CLCN6: variants seen among roughly 807,000 people sequenced by gnomAD.
CLCN6 encodes H(+)/Cl(-) exchange transporter 6.
Under a neutral mutation model 109.8 loss-of-function variants are expected in CLCN6, and 70 were observed. That is an observed-to-expected ratio of 0.64 (90% CI 0.53 to 0.78). CLCN6 has a LOEUF of 0.78. Among genes scored for constraint, CLCN6 ranks in the 30% least tolerant of loss-of-function variants. The probability of loss-of-function intolerance (pLI) is 0.00; values close to 1 mark genes in which losing one functional copy is unlikely to be tolerated. For synonymous variants in CLCN6, 444 were observed against 447.8 expected (o/e 0.99, Z 0.11); for missense variants, 984 against 1,142.3 (o/e 0.86, Z 2.00).
chr1:11,838,543 C>T lies in CLCN6; in HGVS notation c.2412C>T (p.Thr804=), dbSNP rs541636474. ...ACGTGGTCTCTTTGCAGGATGTCAC[C>T]CCATACATGAACCCTTCGCCTTTCA... The part of the protein sequence containing the change: ...LLNPRMIVDV[T]PYMNPSPFTV... Residue 804 remains threonine, a synonymous_variant, in exon 22 of 23, where the codon ACC becomes ACT. Transcript: ENST00000346436. The T allele has an allele frequency of 5.0e-6, 8 of 1,608,890 alleles. No individual in the cohort carries two copies. In the African/African-American group the frequency reaches 1.1e-4, roughly 21 times the overall value.
chr1:11,815,433 TCA>T (rs1644657140), intron 2 of CLCN6, among the ~76,000 whole-genome samples: 1 of 152,172 alleles, frequency 6.6e-6, no homozygotes, highest in South Asian at 2.1e-4. Flanking sequence ...TCTCGCTGTG[TCA>T]CCCAGGCTGG....
intron 1 of CLCN6, 43 bp from the exon 2 acceptor site, chr1:11,807,088 C>T (rs375627424): frequency 2.5e-6 from 4 of 1,571,360 alleles, no homozygotes; most frequent in African/African-American, 1.4e-5. Context: ...CCTTCCACTC[C>T]TAACCACTAA....
chr1:11,813,811 C>T (rs1031529828), intron 2 of CLCN6, among the ~76,000 whole-genome samples: 6 of 152,270 alleles, frequency 3.9e-5, no homozygotes, highest in South Asian at 2.1e-4. Flanking sequence ...TGAATGCTGA[C>T]GTACAAATAA....
intron 1 of CLCN6, 57 bp downstream of exon 1, chr1:11,806,406 G>A: frequency 7.0e-7 from 1 of 1,423,668 alleles, no homozygotes; most frequent in Non-Finnish European, 9.1e-7. Flanking sequence ...GACTGAGAGA[G>A]GCGTTGCCGG....
In CLCN6 at chr1:11,808,227, TTGTGTGTGTG is replaced by T. The variant is rs3073085; in HGVS notation, c.147+1071_147+1080del. 8.7e-3 allele frequency among the ~76,000 whole-genome samples: 1,216 copies of T among 139,248 alleles called. 13 individuals are homozygous for T. The highest frequency in any genetic ancestry group is 0.029 in the African/African-American group (1,076 of 36,916). 91.4% of individuals were successfully genotyped at this position (139,248 alleles called of 152,430 possible). Reference sequence around the variant, plus strand: ...TTTTTTATTGTATGTGTGTGTGTGTTTGTGTGTGTGTGTGTGTGTGTGTGTGTGTGTGTGT... The same window carrying T: ...TTTTTTATTGTATGTGTGTGTGTGTTTGTGTGTGTGTGTGTGTGTGTGTGT... On this transcript the variant is annotated intron_variant, in intron 2 of 22. Coordinates refer to ENST00000346436, the MANE Select transcript of CLCN6 (RefSeq NM_001286.5).
chr1:11,813,974 G>T (rs1436869220), intron 2 of CLCN6, among the ~76,000 whole-genome samples: 3 of 151,856 alleles, frequency 2.0e-5, no homozygotes, highest in African/African-American at 7.3e-5. Flanking sequence ...TCATTTTATT[G>T]GTGTATAGTT....
chr1:11,811,316 A>G (rs1215584296), intron 2 of CLCN6, among the ~76,000 whole-genome samples: 1 of 152,100 alleles, frequency 6.6e-6, no homozygotes. Context: ...ACCCATGTAG[A>G]GTGTACAATT....
intron 2 of CLCN6, among the ~76,000 whole-genome samples, chr1:11,812,331 G>A (rs188646773): frequency 5.3e-4 from 80 of 152,316 alleles, no homozygotes; most frequent in African/African-American, 1.9e-3. Flanking sequence ...GAGGGGGCAC[G>A]GAGCTTTCAT....
intron 10 of CLCN6, among the ~76,000 whole-genome samples, chr1:11,827,698 G>A (rs1225080776): frequency 6.6e-6 from 1 of 152,112 alleles, no homozygotes; most frequent in Non-Finnish European, 1.5e-5. Context: ...GAGCCACCAC[G>A]CCTGGCCTTG....
At chr1:11,811,844 C>T (rs767954077) in intron 2 of CLCN6, among the ~76,000 whole-genome samples, 13 of 152,068 alleles carry the variant, frequency 8.5e-5, no homozygotes, top group African/African-American at 1.2e-4. Context: ...TAAATGTTTA[C>T]GGAACCATAT....
rs534707835 is a variant in CLCN6, at chr1:11,830,852, A to G, written c.1248+1530A>G. On this transcript the variant is annotated intron_variant, in intron 13 of 22. Transcript: ENST00000346436. ...ATATTTCTGTTTGTTTTGTTTTTTT[A>G]AGACGGAGTCTTACTCTGTTACCCA... Among the ~76,000 whole-genome samples, 4 of 146,018 alleles carry G rather than the reference A, an allele frequency of 2.7e-5. No individual in the cohort carries two copies. The East Asian group carries it at 7.9e-4, about 29-fold the overall frequency.
At chr1:11,835,375 C>T (rs1265755523) in intron 17 of CLCN6, among the ~76,000 whole-genome samples, 2 of 152,164 alleles carry the variant, frequency 1.3e-5, no homozygotes, top group African/African-American at 2.4e-5. Context: ...CAGGCTCAAG[C>T]GATCCTCCAC....
rs1406946758 is a variant in CLCN6 at position 11,828,587 on chromosome 1, C to T, written c.1084C>T (p.Arg362Cys). 6.2e-7 allele frequency: 1 copy of T among 1,613,622 alleles called. No homozygotes were observed. Among genetic ancestry groups the T allele is most frequent in the Non-Finnish European group, 8.5e-7 (1 of 1,179,822 alleles). ...NCLNKRLAKY[R>C]MRNVHPKPKL... ...TCTGAACAAGAGGCTTGCAAAGTACCGTATGCGAAACGTGCACCCGAAACC... is the reference window on the plus strand; with the variant it reads ...TCTGAACAAGAGGCTTGCAAAGTACTGTATGCGAAACGTGCACCCGAAACC... The change falls in exon 12 of 23, where the codon CGT (arginine) becomes TGT (cysteine). Residue 362 changes from arginine to cysteine, a missense_variant. Coordinates refer to ENST00000346436, the MANE Select transcript of CLCN6 (RefSeq NM_001286.5).
intron 2 of CLCN6, among the ~76,000 whole-genome samples, chr1:11,807,660 A>G (rs1192643289): frequency 6.6e-6 from 1 of 152,228 alleles, no homozygotes; most frequent in African/African-American, 2.4e-5. Flanking sequence ...TTCTTAGAGT[A>G]TGTGTTTTTA....
rs147260098 is a variant in CLCN6, at chr1:11,834,129, C to T, written c.1526+99C>T. The T allele has an allele frequency of 2.7e-4, 422 of 1,590,166 alleles. No homozygotes were observed. In the African/African-American group the frequency reaches 4.8e-3, roughly 18 times the overall value. On this transcript the variant is annotated intron_variant, in intron 15 of 22. Transcript: ENST00000346436. The surrounding 1 kb of genome is among the most constrained non-coding windows in gnomAD (Gnocchi z 4.5). Reference sequence around the variant, plus strand: ...GTGTGCGTGCGTTGATGTGTCTGTGCCCATGCATGCACATATGTGCATAGG... The same window carrying T: ...GTGTGCGTGCGTTGATGTGTCTGTGTCCATGCATGCACATATGTGCATAGG...
Position 11,838,409 on chromosome 1 carries a change from G to C in CLCN6, c.2370G>C (p.Leu790=). The change falls in exon 21 of 23, where the codon CTG becomes CTC. Residue 790 remains leucine, a synonymous_variant. Transcript: ENST00000346436. Reference sequence around the variant, plus strand: ...CGCGGTACCCCGACATCCACGACCTGGACCTGACGCTGCTCAACCCGCGCA... The same window carrying C: ...CGCGGTACCCCGACATCCACGACCTCGACCTGACGCTGCTCAACCCGCGCA... The part of the protein sequence containing the change: ...DYPRYPDIHD[L]DLTLLNPRMI... 1 of 1,614,112 alleles carries C rather than the reference G, an allele frequency of 6.2e-7. No homozygotes were observed. The highest frequency in any genetic ancestry group is 2.2e-5 in the East Asian group (1 of 44,880).
rs1332260710 is a variant in CLCN6, at chr1:11,842,103, A to G, written c.*1880A>G. The stretch of plus-strand genomic sequence containing the variant: ...TCCAAGTCAGGAGAATGGTGTGATC[A>G]CCTGTCACAGACACTTTGTCCCCTC... On this transcript the variant is annotated 3_prime_UTR_variant, in exon 23 of 23. Coordinates refer to ENST00000346436, the MANE Select transcript of CLCN6 (RefSeq NM_001286.5). 1 of 152,188 alleles carries G rather than the reference A, an allele frequency of 6.6e-6. No homozygotes were observed. Among genetic ancestry groups the G allele is most frequent in the Non-Finnish European group, 1.5e-5 (1 of 68,034 alleles). The allele number at this position is 152,188 out of a possible 1,614,324, so 9.4% of individuals were successfully genotyped here. A position where few individuals can be genotyped will look rare whatever the true frequency, so the allele number is the denominator to read the frequency against.
intron 13 of CLCN6, among the ~76,000 whole-genome samples, chr1:11,833,053 T>C (rs74745128): frequency 6.7e-6 from 1 of 148,720 alleles, no homozygotes; most frequent in Non-Finnish European, 1.5e-5. Flanking sequence ...TGCAGCAAAA[T>C]CAAAGGCTTT....
intron 2 of CLCN6, among the ~76,000 whole-genome samples, chr1:11,808,903 G>A (rs890887856): frequency 3.3e-5 from 5 of 151,474 alleles, no homozygotes; most frequent in African/African-American, 1.2e-4. Flanking sequence ...TTAGTGCCCA[G>A]GTTGGAGTGC....
Sources: gnomAD v4.1 joint callset for allele counts (sites outside exome capture counted in the v4.1 genomes callset) on GRCh38, gnomAD v4.1.1 for gene constraint, Gnocchi (gnomAD v3.1) non-coding constraint, MANE v1.5 for transcripts, NCBI Gene and HGNC (gene_info 2026-07-23, HGNC 2026-07-21) for gene names.